The following ZMAT3 variants were observed in gnomAD, a reference collection of about 807,000 sequenced individuals.
The protein encoded by ZMAT3 is zinc finger matrin-type protein 3.
A neutral mutation model predicts 32.3 loss-of-function variants in ZMAT3; 17 were observed. That is an observed-to-expected ratio of 0.53 (90% confidence interval 0.36 to 0.79). The LOEUF (loss-of-function observed/expected upper bound fraction) is 0.79. Ranked by LOEUF, ZMAT3 falls within the 30% of genes least tolerant of loss-of-function variation. The pLI is 0.00. For missense variants in ZMAT3, 329 were observed against 359.7 expected (o/e 0.91, Z 0.69); for synonymous variants, 120 against 133.1 (o/e 0.90, Z 0.68).
chr3:179,033,211 T>C (rs1719386121), intron 2 of ZMAT3, among the ~76,000 whole-genome samples: 1 of 152,236 alleles, frequency 6.6e-6, no homozygotes, highest in African/African-American at 2.4e-5. Flanking sequence ...CTCTGAAACA[T>C]GTGCTGTGTC....
chr3:179,059,103 G>T (rs146995629), intron 2 of ZMAT3, among the ~76,000 whole-genome samples: 213 of 152,232 alleles, frequency 1.4e-3, no homozygotes, highest in Middle Eastern at 6.8e-3. Flanking sequence ...ACACTGCTGG[G>T]GTCGTCAGAA....
intron 2 of ZMAT3, among the ~76,000 whole-genome samples, chr3:179,055,559 A>C (rs972888508): frequency 4.0e-5 from 6 of 150,660 alleles, no homozygotes; most frequent in Non-Finnish European, 8.9e-5. Context: ...GGGGTAAACA[A>C]TGAACCAAAG....
At position 179,017,813 on chromosome 3, in the gene ZMAT3, G is replaced by C. The variant is rs1212642817; in HGVS notation, c.*7204C>G. 1 of 152,116 alleles carries C rather than the reference G, an allele frequency of 6.6e-6. No homozygotes were observed. The highest frequency in any genetic ancestry group is 1.5e-5 in the Non-Finnish European group (1 of 68,014). The allele number at this position is 152,116 out of a possible 1,614,324, so 9.4% of individuals were successfully genotyped here. Reference sequence around the variant, plus strand: ...AATCGGTTTTGCTTCTGAATCTAGAGCATATTTCCAAGGAGAAGCAACTTA... The same window carrying C: ...AATCGGTTTTGCTTCTGAATCTAGACCATATTTCCAAGGAGAAGCAACTTA... On this transcript the variant is annotated 3_prime_UTR_variant, in exon 6 of 6. Coordinates refer to ENST00000311417, the MANE Select transcript of ZMAT3 (RefSeq NM_022470.4).
chr3:179,059,826 G>C (rs545127585), intron 2 of ZMAT3, among the ~76,000 whole-genome samples: 1 of 152,168 alleles, frequency 6.6e-6, no homozygotes, highest in Admixed American at 6.5e-5. Context: ...TGAGAGGGGG[G>C]ACTGAGAGAC....
chr3:179,055,045 T>C (rs1720764188), intron 2 of ZMAT3, among the ~76,000 whole-genome samples: 1 of 152,080 alleles, frequency 6.6e-6, no homozygotes, highest in South Asian at 2.1e-4. Flanking sequence ...CTTGCCACCA[T>C]CTTGGAAGTG....
chr3:179,058,848 T>A (rs1371075581), intron 2 of ZMAT3, among the ~76,000 whole-genome samples: 1 of 151,902 alleles, frequency 6.6e-6, no homozygotes, highest in Non-Finnish European at 1.5e-5. Flanking sequence ...AGTAATTCCC[T>A]CACTCCAGGA....
At chr3:179,038,104 G>A (rs968975430) in intron 2 of ZMAT3, among the ~76,000 whole-genome samples, 42 of 152,210 alleles carry the variant, frequency 2.8e-4, no homozygotes, top group African/African-American at 9.7e-4. Context: ...GCTGAAGCAT[G>A]AGATGGCTCC....
intron 2 of ZMAT3, among the ~76,000 whole-genome samples, chr3:179,041,295 C>T (rs1719913054): frequency 6.6e-6 from 1 of 152,216 alleles, no homozygotes; most frequent in African/African-American, 2.4e-5. Flanking sequence ...CTCAGCACCA[C>T]ATCACACTTA....
intron 3 of ZMAT3, 85 bp from the exon 4 acceptor site, chr3:179,027,897 A>T: frequency 7.3e-7 from 1 of 1,374,400 alleles, no homozygotes; most frequent in Non-Finnish European, 9.8e-7. Context: ...TAAGAGCTGA[A>T]AAACAACCAA....
At chr3:179,030,013 TTATGGACATATAAC>T (rs1446330247) in intron 3 of ZMAT3, among the ~76,000 whole-genome samples, 2 of 152,214 alleles carry the variant, frequency 1.3e-5, no homozygotes, top group Non-Finnish European at 2.9e-5. Context: ...TGTATTGTTT[TTATGGACATATAAC>T]ACTTCAAAGA....
intron 2 of ZMAT3, among the ~76,000 whole-genome samples, chr3:179,043,176 C>T (rs776050758): frequency 5.3e-5 from 8 of 152,248 alleles, no homozygotes; most frequent in Non-Finnish European, 1.0e-4. Context: ...TAAATGCCAT[C>T]CCCATCAAGC....
intron 2 of ZMAT3, among the ~76,000 whole-genome samples, chr3:179,058,678 C>G (rs1479938219): frequency 2.0e-5 from 3 of 150,722 alleles, no homozygotes; most frequent in Non-Finnish European, 3.0e-5. Context: ...ATGGCATGAA[C>G]CCGGGAGGCG....
intron 2 of ZMAT3, among the ~76,000 whole-genome samples, chr3:179,055,732 G>A (rs1249947292): frequency 3.9e-5 from 6 of 152,150 alleles, no homozygotes; most frequent in Admixed American, 3.9e-4. Flanking sequence ...TGTTTTACAA[G>A]GGTTAGGACA....
At chr3:179,054,757 G>A (rs549238643) in intron 2 of ZMAT3, among the ~76,000 whole-genome samples, 6 of 152,216 alleles carry the variant, frequency 3.9e-5, no homozygotes, top group South Asian at 2.1e-4. Context: ...CAGACCCGCC[G>A]GCGACTTCCA....
intron 2 of ZMAT3, among the ~76,000 whole-genome samples, chr3:179,062,119 G>C (rs1307730387): frequency 6.6e-6 from 1 of 152,130 alleles, no homozygotes; most frequent in Non-Finnish European, 1.5e-5. Flanking sequence ...GGAGAAAGTT[G>C]TTACCATTGG....
At chr3:179,067,386 T>C (rs942124872) in intron 2 of ZMAT3, 97 bp downstream of exon 2, 5 of 1,299,042 alleles carry the variant, frequency 3.8e-6, no homozygotes, top group Middle Eastern at 1.9e-4. Context: ...CATCTTGGTA[T>C]TCCAGGCACA....
chr3:179,055,478 C>T (rs771194258), intron 2 of ZMAT3, among the ~76,000 whole-genome samples: 1 of 150,880 alleles, frequency 6.6e-6, no homozygotes, highest in Non-Finnish European at 1.5e-5. Flanking sequence ...CCCAGCGTCC[C>T]CTCCCCGACT....
Position 179,022,869 on chromosome 3 carries a change from A to G in ZMAT3, c.*2148T>C, listed in dbSNP as rs1268017489. 1 of 152,200 alleles carries G rather than the reference A, an allele frequency of 6.6e-6. No homozygotes were observed. The highest frequency in any genetic ancestry group is 1.5e-5 in the Non-Finnish European group (1 of 68,038). 9.4% of individuals were successfully genotyped at this position (152,200 alleles called of 1,614,324 possible). A position where few individuals can be genotyped will look rare whatever the true frequency, so the allele number is the denominator to read the frequency against. On this transcript the variant is annotated 3_prime_UTR_variant, in exon 6 of 6. Transcript: ENST00000311417. ...CTGAGTTGTTTAAAAATTGTCCCAA[A>G]GTATTACAGAAGAAGAATGATTGTA...
intron 2 of ZMAT3, among the ~76,000 whole-genome samples, chr3:179,043,193 T>A (rs1383066038): frequency 1.3e-5 from 2 of 152,158 alleles, no homozygotes; most frequent in Non-Finnish European, 2.9e-5. Context: ...AAGCTACCAA[T>A]GACTTTCTTC....
Sources: gnomAD v4.1 joint callset for allele counts (sites outside exome capture counted in the v4.1 genomes callset) on GRCh38, gnomAD v4.1.1 for gene constraint, MANE v1.5 for transcripts, NCBI Gene and HGNC (gene_info 2026-07-23, HGNC 2026-07-21) for gene names.